ACOXL: variants seen among roughly 807,000 people sequenced by gnomAD.
ACOXL encodes the protein acyl-coenzyme A oxidase-like protein.
Under a neutral mutation model 71.9 loss-of-function variants are expected in ACOXL, and 70 were observed. That is an observed-to-expected ratio of 0.97 (90% CI 0.80 to 1.19). The LOEUF (loss-of-function observed/expected upper bound fraction) is 1.19. Ranked by LOEUF, ACOXL falls within the 50% of genes most tolerant of loss-of-function variation. The pLI is 0.00. For missense variants in ACOXL, 703 were observed against 736.3 expected (o/e 0.95, Z 0.52); for synonymous variants, 253 against 281.6 (o/e 0.90, Z 1.02).
intron 1 of ACOXL, among the ~76,000 whole-genome samples, chr2:110,752,571 A>T (rs1269661858): frequency 6.6e-6 from 1 of 151,342 alleles, no homozygotes; most frequent in Non-Finnish European, 1.5e-5. Flanking sequence ...TGGTCCTGGA[A>T]TGTGATTTTC....
intron 12 of ACOXL, among the ~76,000 whole-genome samples, chr2:110,961,323 A>C (rs1050671403): frequency 2.6e-5 from 4 of 152,210 alleles, no homozygotes; most frequent in African/African-American, 9.7e-5. Context: ...ATTATATTGC[A>C]TGTGAAGAGC....
intron 9 of ACOXL, among the ~76,000 whole-genome samples, chr2:110,807,252 T>C (rs1300048564): frequency 6.6e-6 from 1 of 152,220 alleles, no homozygotes; most frequent in African/African-American, 2.4e-5. Context: ...TCTCTAGGGC[T>C]CAGTTTCTTC....
At chr2:111,050,499 C>T (rs2066238488) in intron 16 of ACOXL, among the ~76,000 whole-genome samples, 1 of 152,204 alleles carries the variant, frequency 6.6e-6, no homozygotes, top group South Asian at 2.1e-4. Context: ...GGCTGGCTTT[C>T]CATGACCTTG....
chr2:111,076,028 T>TA (rs541675504), intron 16 of ACOXL, among the ~76,000 whole-genome samples: 1 of 152,148 alleles, frequency 6.6e-6, no homozygotes, highest in Admixed American at 6.5e-5. Flanking sequence ...CATTTGTCCT[T>TA]AAAAAAATGT....
At chr2:110,996,343 G>A (rs1282205525) in intron 14 of ACOXL, among the ~76,000 whole-genome samples, 1 of 152,162 alleles carries the variant, frequency 6.6e-6, no homozygotes, top group Non-Finnish European at 1.5e-5. Context: ...CTAAGACAGG[G>A]AGGGGAACTG....
chr2:110,874,759 T>C (rs1695696370), intron 10 of ACOXL, among the ~76,000 whole-genome samples: 2 of 152,172 alleles, frequency 1.3e-5, no homozygotes, highest in Admixed American at 1.3e-4. Context: ...GCTTGTGTTT[T>C]AGAATGATTG....
At chr2:110,894,999 C>G (rs1114540) in intron 10 of ACOXL, among the ~76,000 whole-genome samples, 1 of 151,912 alleles carries the variant, frequency 6.6e-6, no homozygotes, top group South Asian at 2.1e-4. Flanking sequence ...TATACAGTTT[C>G]AAATGAAAAT....
intron 12 of ACOXL, among the ~76,000 whole-genome samples, chr2:110,980,833 G>T (rs2062676394): frequency 6.6e-6 from 1 of 152,214 alleles, no homozygotes; most frequent in South Asian, 2.1e-4. Flanking sequence ...GAAAGCCTTT[G>T]TTGCTGCTAC....
At chr2:110,917,577 T>G (rs1174781829) in intron 11 of ACOXL, among the ~76,000 whole-genome samples, 2 of 152,044 alleles carry the variant, frequency 1.3e-5, no homozygotes, top group African/African-American at 4.8e-5. Flanking sequence ...GAGAAAGAAA[T>G]AAAGGGTATT....
At chr2:111,031,817 A>T in intron 15 of ACOXL, 103 bp downstream of exon 15, 2 of 1,176,798 alleles carry the variant, frequency 1.7e-6, no homozygotes, top group Non-Finnish European at 2.5e-6. Context: ...ACACACAGGG[A>T]AGGGACAGTC....
At chr2:110,850,241 G>A (rs1394082215) in intron 10 of ACOXL, among the ~76,000 whole-genome samples, 2 of 152,134 alleles carry the variant, frequency 1.3e-5, no homozygotes, top group Non-Finnish European at 2.9e-5. Flanking sequence ...GAACTGTCAA[G>A]GAAAAAGTTG....
intron 10 of ACOXL, among the ~76,000 whole-genome samples, chr2:110,846,903 G>A (rs1156762595): frequency 1.3e-5 from 2 of 152,172 alleles, no homozygotes; most frequent in Admixed American, 6.5e-5. Context: ...TACCAAGCAA[G>A]GAGAGCCTCT....
intron 14 of ACOXL, among the ~76,000 whole-genome samples, chr2:111,009,647 C>T (rs546593921): frequency 3.9e-4 from 59 of 152,250 alleles, no homozygotes; most frequent in African/African-American, 1.3e-3. Flanking sequence ...GAATACCACT[C>T]AAATCCATGA....
chr2:110,821,676 G>A (rs1479356670), intron 9 of ACOXL, among the ~76,000 whole-genome samples: 1 of 152,188 alleles, frequency 6.6e-6, no homozygotes, highest in East Asian at 1.9e-4. Context: ...CACTGAAGAT[G>A]TGAGGAGTTA....
chr2:110,926,077 G>T (rs2060258251), intron 11 of ACOXL, among the ~76,000 whole-genome samples: 1 of 152,030 alleles, frequency 6.6e-6, no homozygotes, highest in Non-Finnish European at 1.5e-5. Context: ...TAAGTTCACT[G>T]TCTTATGTGG....
At chr2:111,072,629 A>G (rs1158806428) in intron 16 of ACOXL, among the ~76,000 whole-genome samples, 3 of 152,200 alleles carry the variant, frequency 2.0e-5, no homozygotes, top group Non-Finnish European at 4.4e-5. Flanking sequence ...GGCACTGCCA[A>G]CCTTGACATC....
Position 110,816,013 on chromosome 2 carries a change from A to G in ACOXL, c.753+10618A>G, listed in dbSNP as rs759251287. Among the ~76,000 whole-genome samples the G allele has an allele frequency of 1.7e-3, 255 of 152,220 alleles. 1 individual carries two copies. The highest frequency in any genetic ancestry group is 3.1e-3 in the Non-Finnish European group (214 of 68,006). The stretch of plus-strand genomic sequence containing the variant: ...GATGAATGGATGGAAAAATGCATGT[A>G]TAGATGGATGAATAGATAGATTAAT... On this transcript the variant is annotated intron_variant, in intron 9 of 17. Coordinates refer to ENST00000439055, the MANE Select transcript of ACOXL (RefSeq NM_001142807.4).
At chr2:110,760,945 A>C (rs1285636639) in intron 1 of ACOXL, among the ~76,000 whole-genome samples, 1 of 152,204 alleles carries the variant, frequency 6.6e-6, no homozygotes, top group East Asian at 1.9e-4. Flanking sequence ...CCTGCCTCTT[A>C]AATGAGAACT....
chr2:110,980,769 C>T (rs1036342031), intron 12 of ACOXL, among the ~76,000 whole-genome samples: 4 of 152,170 alleles, frequency 2.6e-5, no homozygotes, highest in Non-Finnish European at 5.9e-5. Context: ...ACACCCTGGC[C>T]GCCCAGGCTT....
Sources: allele counts gnomAD v4.1 joint callset (sites outside exome capture counted in the v4.1 genomes callset), GRCh38; gene constraint gnomAD v4.1.1; transcripts MANE v1.5; gene names NCBI Gene and HGNC (gene_info 2026-07-23, HGNC 2026-07-21).